NTN3: variants seen among roughly 807,000 people sequenced by gnomAD.
NTN3 encodes netrin-3.
NTN3 carries 44 observed loss-of-function variants against 37.2 expected under a neutral mutation model. That is an observed-to-expected ratio of 1.18 (90% CI 0.93 to 1.52). The LOEUF (loss-of-function observed/expected upper bound fraction) is 1.52. NTN3 is among the 40% of genes most tolerant of loss of function. The pLI, the probability that NTN3 is intolerant of heterozygous loss-of-function variation, is 0.00. For synonymous variants in NTN3, 385 were observed against 376.0 expected (o/e 1.02, Z -0.28); for missense variants, 882 against 857.3 (o/e 1.03, Z -0.36).
intron 2 of NTN3, 37 bp downstream of exon 2, chr16:2,472,926 C>G: frequency 6.3e-7 from 1 of 1,580,568 alleles, no homozygotes; most frequent in Non-Finnish European, 8.6e-7. Context: ...CCCTCACCCT[C>G]TGACTTCCCA....
chr16:2,474,050 G>A lies in NTN3; in HGVS notation c.1688G>A (p.Arg563Gln). ...LVLPWRDAWT[R>Q]RLRRLQRRER... ...CTACCCTGGAGGGACGCGTGGACGCGGCGCCTGCGGAGGCTGCAGCGACGC... is the reference window on the plus strand; with the variant it reads ...CTACCCTGGAGGGACGCGTGGACGCAGCGCCTGCGGAGGCTGCAGCGACGC... Residue 563 changes from arginine (R) to glutamine (Q), a missense_variant, in exon 6 of 6, where the codon CGG becomes CAG. Physicochemically the swap from Arg to Gln is conservative, Grantham distance 43 (BLOSUM62 1). Transcript: ENST00000293973. 1.7e-6 allele frequency: 2 copies of A among 1,207,142 alleles called. No homozygotes were observed. Among genetic ancestry groups the A allele is most frequent in the Non-Finnish European group, 2.1e-6 (2 of 971,954 alleles). The allele number at this position is 1,207,142 out of a possible 1,614,324, so 74.8% of individuals were successfully genotyped here.
Position 2,472,769 on chromosome 16 carries a change from C to T in NTN3, c.997C>T (p.Arg333Cys), listed in dbSNP as rs777609709. 1.4e-5 allele frequency: 23 copies of T among 1,608,292 alleles called. No individual in the cohort carries two copies. Among genetic ancestry groups the T allele is most frequent in the Non-Finnish European group, 1.6e-5 (19 of 1,179,548 alleles). ...NMELYRLSGRRSGGVCLNCRH... is the reference protein window; with the variant it reads ...NMELYRLSGRCSGGVCLNCRH... ...GGAGCTGTACCGACTGTCCGGCCGC[C>T]GCAGCGGGGGTGTCTGTCTCAACTG... Residue 333 changes from arginine (R) to cysteine (C), a missense_variant, in exon 2 of 6, where the codon CGC becomes TGC. Physicochemically the swap from Arg to Cys is radical, Grantham distance 180 (BLOSUM62 -3). Coordinates refer to ENST00000293973, the MANE Select transcript of NTN3 (RefSeq NM_006181.3).
chr16:2,471,906 G>C lies in NTN3; in HGVS notation c.205G>C (p.Ala69Pro). The C allele has an allele frequency of 1.3e-6, 2 of 1,528,832 alleles. No homozygotes were observed. Among genetic ancestry groups the C allele is most frequent in the Non-Finnish European group, 1.7e-6 (2 of 1,145,236 alleles). 94.7% of individuals were successfully genotyped at this position (1,528,832 alleles called of 1,614,324 possible). The change falls in exon 1 of 6, where the codon GCC becomes CCC. Residue 69 changes from alanine to proline, a missense_variant. Coordinates refer to ENST00000293973, the MANE Select transcript of NTN3 (RefSeq NM_006181.3). ...CGRPATRACD[A>P]SDPRRAHSPA... ...GCGGCCGGCCACTCGGGCCTGCGAC[G>C]CCTCCGACCCGCGACGGGCACACTC...
rs2065531842 is a variant in NTN3, at chr16:2,473,079, C to T, written c.1212C>T (p.Cys404=). The T allele has an allele frequency of 3.1e-6, 5 of 1,610,740 alleles. No individual in the cohort carries two copies. The South Asian group carries it at 4.4e-5, about 14-fold the overall frequency. Residue 404 remains cysteine, a synonymous_variant, in exon 3 of 6, where the codon TGC becomes TGT. Coordinates refer to ENST00000293973, the MANE Select transcript of NTN3 (RefSeq NM_006181.3). Reference sequence around the variant, plus strand: ...AGGATGGCGTCACTGGCCTCACCTGCAACCGCTGCGCGCCTGGCTTCCAGC... The same window carrying T: ...AGGATGGCGTCACTGGCCTCACCTGTAACCGCTGCGCGCCTGGCTTCCAGC... ...PCKDGVTGLT[C]NRCAPGFQQS...
At chr16:2,473,351 C>T in intron 4 of NTN3, 33 bp downstream of exon 4, 1 of 1,612,690 alleles carries the variant, frequency 6.2e-7, no homozygotes. Flanking sequence ...CCCAGACTGG[C>T]ATGACTTTGG....
At position 2,473,303 on chromosome 16, in the gene NTN3, C is replaced by T. The variant is rs775615298; in HGVS notation, c.1303C>T (p.Pro435Ser). The change falls in exon 4 of 6, where the codon CCT (proline) becomes TCT (serine). Residue 435 changes from proline (P) to serine (S), a missense_variant. Coordinates refer to ENST00000293973, the MANE Select transcript of NTN3 (RefSeq NM_006181.3). ...CCCTGGACCCACTGAGGACAGCAGC[C>T]CTGTGCAGCCCCAGGGTGAGTGGAC... ...PIPGPTEDSS[P>S]VQPQDCDSHC... The T allele has an allele frequency of 4.3e-6, 7 of 1,612,972 alleles. No homozygotes were observed. Among genetic ancestry groups the T allele is most frequent in the Non-Finnish European group, 5.9e-6 (7 of 1,179,988 alleles).
chr16:2,474,143 C>A lies in NTN3; in HGVS notation c.*38C>A, dbSNP rs1238981482. The stretch of plus-strand genomic sequence containing the variant: ...GGCAGGGCGGCCGCTGCTCCCACAT[C>A]TAGGCGCACGTTCACCCTGTGCCTT... On this transcript the variant is annotated 3_prime_UTR_variant, in exon 6 of 6. Coordinates refer to ENST00000293973, the MANE Select transcript of NTN3 (RefSeq NM_006181.3). 6 of 1,186,964 alleles carry A rather than the reference C, an allele frequency of 5.1e-6. No homozygotes were observed. Among genetic ancestry groups the A allele is most frequent in the Non-Finnish European group, 6.3e-6 (6 of 958,624 alleles). The allele number at this position is 1,186,964 out of a possible 1,614,324, so 73.5% of individuals were successfully genotyped here. A position where few individuals can be genotyped will look rare whatever the true frequency, so the allele number is the denominator to read the frequency against.
rs936492785 is a variant in NTN3 at position 2,471,601 on chromosome 16, G to C, written c.-101G>C. 4.4e-6 allele frequency: 4 copies of C among 911,580 alleles called. No homozygotes were observed. The highest frequency in any genetic ancestry group is 5.9e-6 in the Non-Finnish European group (4 of 679,462). 56.5% of individuals were successfully genotyped at this position (911,580 alleles called of 1,614,324 possible). A position where few individuals can be genotyped will look rare whatever the true frequency, so the allele number is the denominator to read the frequency against. On this transcript the variant is annotated 5_prime_UTR_variant, in exon 1 of 6. Transcript: ENST00000293973. ...GGGCCGCCCGGGGGCCCTGTTCCTC[G>C]GCATTGCGGGCCTGGTGGGCAGAGC...
chr16:2,473,607 C>CAG, intron 5 of NTN3, 104 bp downstream of exon 5: 1 of 1,337,920 alleles, frequency 7.5e-7, no homozygotes, highest in Non-Finnish European at 1.0e-6. Context: ...TTGCTGGGCC[C>CAG]CAAGGCCCAT....
chr16:2,474,065 T>G lies in NTN3; in HGVS notation c.1703T>G (p.Leu568Arg). 4.1e-6 allele frequency: 5 copies of G among 1,208,858 alleles called. No individual in the cohort carries two copies. Among genetic ancestry groups the G allele is most frequent in the Non-Finnish European group, 5.1e-6 (5 of 973,078 alleles). The allele number at this position is 1,208,858 out of a possible 1,614,324, so 74.9% of individuals were successfully genotyped here. A position where few individuals can be genotyped will look rare whatever the true frequency, so the allele number is the denominator to read the frequency against. The change falls in exon 6 of 6, where the codon CTG becomes CGG. Residue 568 changes from leucine (L) to arginine (R), a missense_variant. Leu to Arg is a moderately radical substitution (Grantham distance 102). Coordinates refer to ENST00000293973, the MANE Select transcript of NTN3 (RefSeq NM_006181.3). ...RDAWTRRLRR[L>R]QRRERRGRCS... Reference sequence around the variant, plus strand: ...GCGTGGACGCGGCGCCTGCGGAGGCTGCAGCGACGCGAACGGCGGGGGCGC... The same window carrying G: ...GCGTGGACGCGGCGCCTGCGGAGGCGGCAGCGACGCGAACGGCGGGGGCGC...
rs778851321 is a variant in NTN3, at chr16:2,472,830, G to T, written c.1058G>T (p.Cys353Phe). 3.3e-5 allele frequency: 53 copies of T among 1,609,360 alleles called. No individual in the cohort carries two copies. In the East Asian group the frequency reaches 1.1e-3, roughly 35 times the overall value. The change falls in exon 2 of 6, where the codon TGC (cysteine) becomes TTC (phenylalanine). Residue 353 changes from cysteine (C) to phenylalanine (F), a missense_variant. By Grantham distance (205) the Cys-to-Phe change is radical (BLOSUM62 -2). Coordinates refer to ENST00000293973, the MANE Select transcript of NTN3 (RefSeq NM_006181.3). ...ACCGCCGGCCGCCACTGCCACTACTGCCGGGAGGGCTTCTATCGAGACCCT... is the reference window on the plus strand; with the variant it reads ...ACCGCCGGCCGCCACTGCCACTACTTCCGGGAGGGCTTCTATCGAGACCCT... ...HNTAGRHCHY[C>F]REGFYRDPGR... is the part of the protein sequence containing the mutation.
Position 2,473,800 on chromosome 16 carries a change from T to A in NTN3, c.1438T>A (p.Trp480Arg), listed in dbSNP as rs749465713. 3 of 1,388,754 alleles carry A rather than the reference T, an allele frequency of 2.2e-6. No homozygotes were observed. Among genetic ancestry groups the A allele is most frequent in the South Asian group, 1.6e-5 (1 of 61,324 alleles). 86.0% of individuals were successfully genotyped at this position (1,388,754 alleles called of 1,614,324 possible). A position where few individuals can be genotyped will look rare whatever the true frequency, so the allele number is the denominator to read the frequency against. ...TGCGCGCGGCGAGGCGCGCGGCGCG[T>A]GGACACGCTTCCCGGTGGCGGTGCT... Reference protein sequence around the residue: ...VGARGEARGAWTRFPVAVLAV... With the variant: ...VGARGEARGARTRFPVAVLAV... The change falls in exon 6 of 6, where the codon TGG becomes AGG. Residue 480 changes from tryptophan (W) to arginine (R), a missense_variant. Coordinates refer to ENST00000293973, the MANE Select transcript of NTN3 (RefSeq NM_006181.3).
Position 2,473,059 on chromosome 16 carries a change from G to A in NTN3, c.1192G>A (p.Gly398Ser), listed in dbSNP as rs781516245. Residue 398 changes from glycine (G) to serine (S), a missense_variant, in exon 3 of 6, where the codon GGC becomes AGC. By Grantham distance (56) the Gly-to-Ser change is moderately conservative. Coordinates refer to ENST00000293973, the MANE Select transcript of NTN3 (RefSeq NM_006181.3). ...QTTGQCPCKD[G>S]VTGLTCNRCA... The stretch of plus-strand genomic sequence containing the variant: ...CACAGGCCAGTGTCCCTGCAAGGAT[G>A]GCGTCACTGGCCTCACCTGCAACCG... 5.6e-6 allele frequency: 9 copies of A among 1,611,284 alleles called. No homozygotes were observed. The highest frequency in any genetic ancestry group is 6.8e-6 in the Non-Finnish European group (8 of 1,179,564).
In NTN3 at chr16:2,471,930, TC is replaced by T; in HGVS notation, c.234del (p.Ala79ProfsTer27). On this transcript the variant is annotated frameshift_variant, in exon 1 of 6. Coordinates refer to ENST00000293973, the MANE Select transcript of NTN3 (RefSeq NM_006181.3). LOFTEE classifies it high-confidence loss of function. Reference sequence around the variant, plus strand: ...CGCCTCCGACCCGCGACGGGCACACTCCCCCGCCCTCCTTACTTCCCCAGGG... The same window carrying T: ...CGCCTCCGACCCGCGACGGGCACACTCCCCGCCCTCCTTACTTCCCCAGGG... ...CDASDPRRAHSPALLTSPGGT... is the reference protein window; with the variant it reads ...CDASDPRRAHXPALLTSPGGT... 1 of 1,543,406 alleles carries T rather than the reference TC, an allele frequency of 6.5e-7. No homozygotes were observed. Among genetic ancestry groups the T allele is most frequent in the Non-Finnish European group, 8.7e-7 (1 of 1,152,428 alleles).
At position 2,473,741 on chromosome 16, in the gene NTN3, T is replaced by G; in HGVS notation, c.1394-15T>G. 1 of 1,419,696 alleles carries G rather than the reference T, an allele frequency of 7.0e-7. No homozygotes were observed. Among genetic ancestry groups the G allele is most frequent in the Non-Finnish European group, 9.1e-7 (1 of 1,094,808 alleles). The allele number at this position is 1,419,696 out of a possible 1,614,324, so 87.9% of individuals were successfully genotyped here. ...CGCCCCTTCCTGACCCCGCCCCCTC[T>G]CGCTCTCCCCGCAGCGGTGCAGGTG... On this transcript the variant is annotated splice_polypyrimidine_tract_variant and intron_variant, in intron 5 of 5. Transcript: ENST00000293973.
chr16:2,473,209 C>T lies in NTN3; in HGVS notation c.1268-59C>T, dbSNP rs1451901242. 4.1e-5 allele frequency: 66 copies of T among 1,602,516 alleles called. 2 individuals carry two copies. Among genetic ancestry groups the T allele is most frequent in the South Asian group, 1.8e-4 (16 of 89,880 alleles). The stretch of plus-strand genomic sequence containing the variant: ...CCCTGCTGTTGTCCCGTCTATTCCC[C>T]GAGCCCTGCAGATCTCTCTGCCCCT... On this transcript the variant is annotated intron_variant, in intron 3 of 5. Transcript: ENST00000293973.
In NTN3 at chr16:2,471,449, G is replaced by A; in HGVS notation, c.-253G>A. On this transcript the variant is annotated 5_prime_UTR_variant, in exon 1 of 6. Coordinates refer to ENST00000293973, the MANE Select transcript of NTN3 (RefSeq NM_006181.3). Reference sequence around the variant, plus strand: ...AGCGGCGGGTGGGGCCTCCGCGGGCGGAGGCACCGGGAGCGGGGGCGACGC... The same window carrying A: ...AGCGGCGGGTGGGGCCTCCGCGGGCAGAGGCACCGGGAGCGGGGGCGACGC... The A allele has an allele frequency of 5.8e-6, 2 of 343,396 alleles. No homozygotes were observed. Among genetic ancestry groups the A allele is most frequent in the Non-Finnish European group, 5.2e-6 (1 of 190,678 alleles). 21.3% of individuals were successfully genotyped at this position (343,396 alleles called of 1,614,324 possible).
rs2065522183 is a variant in NTN3, at chr16:2,471,801, G to A, written c.100G>A (p.Gly34Arg). ...PAPADPCHDE[G>R]GAPRGCVPGL... ...GCCCGCCGACCCCTGCCACGATGAG[G>A]GGGGTGCGCCCCGCGGCTGCGTGCC... Residue 34 changes from glycine to arginine, a missense_variant, in exon 1 of 6, where the codon GGG becomes AGG. Gly to Arg is a moderately radical substitution (Grantham distance 125). Transcript: ENST00000293973. 1.4e-6 allele frequency: 2 copies of A among 1,389,380 alleles called. No individual in the cohort carries two copies. Among genetic ancestry groups the A allele is most frequent in the Non-Finnish European group, 9.3e-7 (1 of 1,080,888 alleles). The allele number at this position is 1,389,380 out of a possible 1,614,324, so 86.1% of individuals were successfully genotyped here.
In NTN3 at chr16:2,472,989, C is replaced by A. The variant is rs372567918; in HGVS notation, c.1122C>A (p.Cys374Ter). Residue 374 changes from cysteine (C) to a stop codon, truncating the protein, a stop_gained, in exon 3 of 6, where the codon TGC (cysteine) becomes TGA (stop). Coordinates refer to ENST00000293973, the MANE Select transcript of NTN3 (RefSeq NM_006181.3). LOFTEE classifies it high-confidence loss of function. Reference protein sequence around the residue: ...ALSDRRACRACDCHPVGAAGK... With the variant: ...ALSDRRACRA ...CCTTCCCACCTCTGTCCTCAGCCTG[C>A]GACTGTCACCCGGTTGGTGCTGCTG... is the stretch of plus-strand genomic sequence containing the variant. 2.5e-6 allele frequency: 4 copies of A among 1,599,856 alleles called. No homozygotes were observed. Among genetic ancestry groups the A allele is most frequent in the East Asian group, 2.2e-5 (1 of 44,644 alleles).
Sources: gnomAD v4.1 joint callset for allele counts on GRCh38, gnomAD v4.1.1 for gene constraint, MANE v1.5 for transcripts, NCBI Gene and HGNC (gene_info 2026-07-23, HGNC 2026-07-21) for gene names.